SOCS2: variants seen among roughly 807,000 people sequenced by gnomAD.
SOCS2 encodes CIS-2.
Under a neutral mutation model 18.6 loss-of-function variants are expected in SOCS2, and 10 were observed. The ratio of observed to expected loss-of-function variants is 0.54; its 90% CI spans 0.33 to 0.91. The LOEUF is 0.91. Ranked by LOEUF, SOCS2 falls within the 40% of genes least tolerant of loss-of-function variation. The pLI is 0.02. For missense variants in SOCS2, 231 were observed against 247.2 expected, an observed-to-expected ratio of 0.93 and a Z score of 0.44; for synonymous variants, 104 against 104.0, an observed-to-expected ratio of 1.00 and a Z score of 0.00.
chr12:93,588,597 A>G, the SOCS2 span, among the ~76,000 whole-genome samples: 1 of 150,628 alleles, frequency 6.6e-6, no homozygotes, highest in Non-Finnish European at 1.5e-5. Flanking sequence ...AATTTGTGAG[A>G]AATTCTGGAG....
chr12:93,623,366 C>T, the SOCS2 span, among the ~76,000 whole-genome samples: 1 of 152,084 alleles, frequency 6.6e-6, no homozygotes, highest in Non-Finnish European at 1.5e-5. Flanking sequence ...AACCTCTTTC[C>T]TTTATAAATT....
chr12:93,623,108 C>A, the SOCS2 span, among the ~76,000 whole-genome samples: 1 of 152,134 alleles, frequency 6.6e-6, no homozygotes, highest in East Asian at 1.9e-4. Context: ...GAATTGTAAC[C>A]CCCAAATGTC....
At chr12:93,622,600 T>G in the SOCS2 span, among the ~76,000 whole-genome samples, 1 of 152,148 alleles carries the variant, frequency 6.6e-6, no homozygotes, top group Non-Finnish European at 1.5e-5. Flanking sequence ...CCTAGCTGAG[T>G]GTCTCCTGAG....
At chr12:93,612,127 C>A in the SOCS2 span, among the ~76,000 whole-genome samples, 6 of 152,204 alleles carry the variant, frequency 3.9e-5, no homozygotes, top group East Asian at 1.2e-3. Context: ...GGGTTGGAAG[C>A]AAAATAAAAG....
At chr12:93,584,296 C>T (rs1954570440), downstream of SOCS2, among the ~76,000 whole-genome samples, 1 of 152,232 alleles carries the variant, frequency 6.6e-6, no homozygotes, top group Non-Finnish European at 1.5e-5. Context: ...CCCGATTTCT[C>T]AGAGGGTCAG....
At chr12:93,581,291 A>T (rs1471276608), downstream of SOCS2, among the ~76,000 whole-genome samples, 2 of 152,232 alleles carry the variant, frequency 1.3e-5, no homozygotes, top group African/African-American at 4.8e-5. Context: ...CATAGCACTG[A>T]TCTAGGTATT....
chr12:93,600,226 C>G, the SOCS2 span, among the ~76,000 whole-genome samples: 1 of 152,172 alleles, frequency 6.6e-6, no homozygotes, highest in Non-Finnish European at 1.5e-5. Flanking sequence ...CCCAGTACCA[C>G]TTATTGAACA....
At chr12:93,588,058 G>A (rs1382309979), downstream of SOCS2, among the ~76,000 whole-genome samples, 1 of 152,212 alleles carries the variant, frequency 6.6e-6, no homozygotes, top group Non-Finnish European at 1.5e-5. Context: ...GGGACCCATG[G>A]ATAAGATGTC....
chr12:93,614,572 T>C, the SOCS2 span, among the ~76,000 whole-genome samples: 4 of 76,746 alleles, frequency 5.2e-5, no homozygotes, highest in African/African-American at 6.8e-5. Flanking sequence ...TCTTTCTTTC[T>C]TTCTTTCTTT....
At chr12:93,619,747 A>G in the SOCS2 span, among the ~76,000 whole-genome samples, 2 of 152,118 alleles carry the variant, frequency 1.3e-5, no homozygotes, top group Non-Finnish European at 2.9e-5. Context: ...TACACTAAAC[A>G]TATATTGCAT....
the SOCS2 span, among the ~76,000 whole-genome samples, chr12:93,614,624 T>TTTCTTTC: frequency 2.7e-4 from 32 of 119,782 alleles, no homozygotes; most frequent in Non-Finnish European, 5.1e-4. Context: ...TCTTTCTTTC[T>TTTCTTTC]TTCTTTCTTT....
the SOCS2 span, among the ~76,000 whole-genome samples, chr12:93,593,282 A>G: frequency 0.091 from 13,795 of 152,194 alleles, 860 homozygotes; most frequent in South Asian, 0.16. Context: ...TATGACTCCC[A>G]AATGCCTAAA....
At chr12:93,618,352 G>T in the SOCS2 span, among the ~76,000 whole-genome samples, 1 of 152,162 alleles carries the variant, frequency 6.6e-6, no homozygotes, top group Non-Finnish European at 1.5e-5. Flanking sequence ...ATCAGAAGAT[G>T]ATAGTTTTTA....
chr12:93,600,524 T>C, the SOCS2 span, among the ~76,000 whole-genome samples: 1 of 152,150 alleles, frequency 6.6e-6, no homozygotes, highest in African/African-American at 2.4e-5. Context: ...GGAAAATGTA[T>C]AGATTTTAAT....
upstream of SOCS2, chr12:93,571,149 T>G (rs1162246229): frequency 6.5e-6 from 1 of 153,692 alleles, no homozygotes; most frequent in Non-Finnish European, 1.5e-5. Flanking sequence ...CCGCGGACAG[T>G]GCGCGCCGGG....
the SOCS2 span, among the ~76,000 whole-genome samples, chr12:93,618,021 T>C: frequency 7.2e-5 from 11 of 152,216 alleles, no homozygotes; most frequent in Non-Finnish European, 1.5e-4. Context: ...GGGGGCAGTT[T>C]CTCATGAATG....
rs778990372 is a variant in SOCS2 at position 93,572,987 on chromosome 12, C to T, written c.90C>T (p.Ser30=). Residue 30 remains serine (S), a synonymous_variant, in exon 1 of 2, where the codon TCC becomes TCT. Coordinates refer to ENST00000551556, the MANE Select transcript of SOCS2 (RefSeq NM_001270471.2). The surrounding 1 kb of genome is among the most constrained non-coding windows in gnomAD (Gnocchi z 5.0). ...WGTAGSAEEP[S]PQAARLAKAL... Reference sequence around the variant, plus strand: ...CCGCGGGGTCGGCGGAGGAGCCATCCCCGCAGGCGGCGCGTCTGGCGAAGG... The same window carrying T: ...CCGCGGGGTCGGCGGAGGAGCCATCTCCGCAGGCGGCGCGTCTGGCGAAGG... 19 of 1,570,026 alleles carry T rather than the reference C, an allele frequency of 1.2e-5. No homozygotes were observed. The highest frequency in any genetic ancestry group is 2.3e-5 in the East Asian group (1 of 42,590).
chr12:93,582,147 G>A (rs766997332), intron 1 of SOCS2, among the ~76,000 whole-genome samples: 4 of 152,206 alleles, frequency 2.6e-5, no homozygotes, highest in Non-Finnish European at 5.9e-5. Flanking sequence ...CCCAGAGGAA[G>A]GTATCTTGTG....
chr12:93,586,341 G>T (rs1954584999), downstream of SOCS2, among the ~76,000 whole-genome samples: 1 of 152,078 alleles, frequency 6.6e-6, no homozygotes, highest in African/African-American at 2.4e-5. Context: ...AATATTAAAT[G>T]GTATTATTTT....
Sources: gnomAD v4.1 joint callset for allele counts (sites outside exome capture counted in the v4.1 genomes callset) on GRCh38, gnomAD v4.1.1 for gene constraint, Gnocchi (gnomAD v3.1) non-coding constraint, MANE v1.5 for transcripts, NCBI Gene and HGNC (gene_info 2026-07-23, HGNC 2026-07-21) for gene names.